The following MAGI1 variants were observed in gnomAD, a reference collection of about 807,000 sequenced individuals.
The protein encoded by MAGI1 is membrane-associated guanylate kinase, WW and PDZ domain-containing protein 1.
In MAGI1, 58 loss-of-function variants were observed where a neutral mutation model predicts 139.9. The observed-to-expected ratio is 0.41, with a 90% CI of 0.34 to 0.52. The LOEUF is 0.52. MAGI1 is among the 20% of genes least tolerant of loss of function. The pLI, the probability that MAGI1 is intolerant of heterozygous loss-of-function variation, is 0.12. For synonymous variants in MAGI1, 812 were observed against 737.9 expected (o/e 1.10, Z -1.63); for missense variants, 1,874 against 1,901.6 (o/e 0.99, Z 0.27).
intron 1 of MAGI1, among the ~76,000 whole-genome samples, chr3:65,623,845 T>C (rs1459299302): frequency 6.6e-6 from 1 of 152,148 alleles, no homozygotes. Context: ...CTGTTTCAAG[T>C]CACCGAAAGG....
chr3:65,368,398 T>A (rs1559901315), intron 18 of MAGI1, among the ~76,000 whole-genome samples: 2 of 152,194 alleles, frequency 1.3e-5, no homozygotes, highest in South Asian at 2.1e-4. Context: ...TCAATAGCAG[T>A]CATGTATCAA....
intron 1 of MAGI1, among the ~76,000 whole-genome samples, chr3:65,880,032 A>T (rs1459956110): frequency 6.6e-6 from 1 of 152,226 alleles, no homozygotes; most frequent in African/African-American, 2.4e-5. Flanking sequence ...AGGCCGAAGC[A>T]GGAGTTCAAG....
intron 1 of MAGI1, among the ~76,000 whole-genome samples, chr3:65,848,901 G>A (rs1288733823): frequency 6.6e-6 from 1 of 151,422 alleles, no homozygotes; most frequent in Admixed American, 6.6e-5. Context: ...GAGTGAGTGG[G>A]GCCATGTGAT....
intron 12 of MAGI1, among the ~76,000 whole-genome samples, chr3:65,415,913 T>C (rs1279733623): frequency 2.0e-5 from 3 of 152,316 alleles, no homozygotes; most frequent in Admixed American, 2.0e-4. Flanking sequence ...AAAGTTGATT[T>C]GCAGATGCAG....
chr3:65,571,063 T>C (rs1296327471), intron 2 of MAGI1, among the ~76,000 whole-genome samples: 1 of 152,196 alleles, frequency 6.6e-6, no homozygotes, highest in Non-Finnish European at 1.5e-5. Context: ...GTCATCTCTT[T>C]TTCCAAAAAC....
At chr3:65,986,445 G>T (rs2065882712) in intron 1 of MAGI1, among the ~76,000 whole-genome samples, 1 of 152,216 alleles carries the variant, frequency 6.6e-6, no homozygotes, top group Non-Finnish European at 1.5e-5. Flanking sequence ...TCTATTAACA[G>T]AAGTATGTAA....
At chr3:66,010,038 T>G (rs1222249467) in intron 1 of MAGI1, among the ~76,000 whole-genome samples, 1 of 126,144 alleles carries the variant, frequency 7.9e-6, no homozygotes, top group Non-Finnish European at 1.6e-5. Context: ...ATTGTCCCAG[T>G]GTACTCCAGC....
intron 2 of MAGI1, among the ~76,000 whole-genome samples, chr3:65,597,230 C>T (rs1469700967): frequency 6.6e-6 from 1 of 151,622 alleles, no homozygotes; most frequent in African/African-American, 2.4e-5. Context: ...CCTTTACCAT[C>T]CATCAGGAAC....
intron 9 of MAGI1, among the ~76,000 whole-genome samples, chr3:65,439,194 A>G (rs1310215724): frequency 2.0e-5 from 3 of 152,184 alleles, no homozygotes; most frequent in Admixed American, 2.0e-4. Context: ...AGTATAAGCT[A>G]AATCTATATT....
At chr3:66,012,913 C>T (rs1330754913) in intron 1 of MAGI1, among the ~76,000 whole-genome samples, 2 of 152,206 alleles carry the variant, frequency 1.3e-5, no homozygotes, top group Non-Finnish European at 2.9e-5. Flanking sequence ...ATCCCCATTT[C>T]CTCTAGGGTT....
intron 2 of MAGI1, among the ~76,000 whole-genome samples, chr3:65,497,022 AG>A (rs1414774510): frequency 6.6e-6 from 1 of 152,106 alleles, no homozygotes; most frequent in South Asian, 2.1e-4. Flanking sequence ...TTTTGGGAAA[AG>A]GGAAAATCAA....
In MAGI1 at chr3:65,370,462, G is replaced by A. The variant is rs571266568; in HGVS notation, c.3196+5283C>T. Among the ~76,000 whole-genome samples the A allele has an allele frequency of 3.9e-4, 60 of 152,272 alleles. 2 individuals are homozygous for A. In the South Asian group the frequency reaches 0.012, roughly 31 times the overall value. ...AAAAATATCAATCCTCAACTATGTT[G>A]TACCAGTTTTATGTTTACTTGTTTC... On this transcript the variant is annotated intron_variant, in intron 18 of 22. Coordinates refer to ENST00000402939, the MANE Select transcript of MAGI1 (RefSeq NM_001033057.2).
chr3:65,733,587 G>A (rs151292939), intron 1 of MAGI1, among the ~76,000 whole-genome samples: 1 of 152,170 alleles, frequency 6.6e-6, no homozygotes, highest in East Asian at 1.9e-4. Context: ...CTCACACAAT[G>A]AGAGTCATCC....
intron 2 of MAGI1, among the ~76,000 whole-genome samples, chr3:65,566,377 T>C (rs2080644007): frequency 6.6e-6 from 1 of 152,200 alleles, no homozygotes; most frequent in South Asian, 2.1e-4. Flanking sequence ...CATCAGAACA[T>C]TAACAGGGAC....
intron 1 of MAGI1, among the ~76,000 whole-genome samples, chr3:66,036,875 A>T (rs920034912): frequency 6.6e-6 from 1 of 152,204 alleles, no homozygotes; most frequent in East Asian, 1.9e-4. Flanking sequence ...GCTGGTCTCC[A>T]TTGGGTTGAC....
At chr3:65,889,424 C>T (rs2060654324) in intron 1 of MAGI1, among the ~76,000 whole-genome samples, 1 of 152,198 alleles carries the variant, frequency 6.6e-6, no homozygotes. Flanking sequence ...TCAACATTTT[C>T]AGTACAGAGT....
intron 1 of MAGI1, among the ~76,000 whole-genome samples, chr3:65,798,489 T>C (rs1242437247): frequency 6.6e-6 from 1 of 152,150 alleles, no homozygotes; most frequent in South Asian, 2.1e-4. Flanking sequence ...CCGCCAACTG[T>C]AGGCCTCGGG....
At chr3:65,827,705 C>A (rs1257003656) in intron 1 of MAGI1, among the ~76,000 whole-genome samples, 1 of 152,278 alleles carries the variant, frequency 6.6e-6, no homozygotes, top group South Asian at 2.1e-4. Flanking sequence ...ACAATAAAGT[C>A]CCAAGCTACA....
intron 1 of MAGI1, among the ~76,000 whole-genome samples, chr3:66,031,281 C>A (rs2068578046): frequency 6.6e-6 from 1 of 152,154 alleles, no homozygotes; most frequent in African/African-American, 2.4e-5. Flanking sequence ...CCACTAACAC[C>A]AGAGAGTGGT....
Sources: allele counts gnomAD v4.1 joint callset (sites outside exome capture counted in the v4.1 genomes callset), GRCh38; gene constraint gnomAD v4.1.1; transcripts MANE v1.5; gene names NCBI Gene and HGNC (gene_info 2026-07-23, HGNC 2026-07-21).